Variants in SLCO4A1 observed in about 807,000 individuals in gnomAD.
SLCO4A1 encodes the protein colon organic anion transporter.
Under a neutral mutation model 64.6 loss-of-function variants are expected in SLCO4A1, and 51 were observed. The observed-to-expected ratio is 0.79, with a 90% CI of 0.63 to 1.00. The LOEUF is 1.00. Ranked by LOEUF, SLCO4A1 falls within the 50% of genes least tolerant of loss-of-function variation. SLCO4A1 has a pLI of 0.00. For synonymous variants in SLCO4A1, 471 were observed against 444.9 expected, an observed-to-expected ratio of 1.06 and a Z score of -0.74; for missense variants, 919 against 980.5, an observed-to-expected ratio of 0.94 and a Z score of 0.84.
downstream of SLCO4A1, among the ~76,000 whole-genome samples, chr20:62,687,947 C>T (rs919104108): frequency 2.0e-5 from 3 of 152,118 alleles, no homozygotes; most frequent in Non-Finnish European, 2.9e-5. Context: ...ACTAGTGCCG[C>T]GCTGCAGCCA....
intron 4 of SLCO4A1, 100 bp downstream of exon 4, chr20:62,660,633 A>G (rs1984606704): frequency 1.4e-6 from 2 of 1,383,206 alleles, no homozygotes; most frequent in Non-Finnish European, 2.0e-6. Flanking sequence ...TTTCCCCGCC[A>G]TGATCAAGTC....
intron 5 of SLCO4A1, among the ~76,000 whole-genome samples, chr20:62,664,536 TG>T (rs1985707783): frequency 6.6e-6 from 1 of 152,168 alleles, no homozygotes; most frequent in Non-Finnish European, 1.5e-5. Flanking sequence ...CTGGGTCACT[TG>T]GGGTCTCTCC....
intron 2 of SLCO4A1, among the ~76,000 whole-genome samples, chr20:62,683,555 T>C (rs1195090060): frequency 6.6e-6 from 1 of 152,182 alleles, no homozygotes; most frequent in African/African-American, 2.4e-5. Flanking sequence ...TACCACAGGG[T>C]CCCGTACAAT....
intron 1 of SLCO4A1, among the ~76,000 whole-genome samples, chr20:62,655,995 T>A (rs1983638923): frequency 6.6e-6 from 1 of 152,228 alleles, no homozygotes; most frequent in Non-Finnish European, 1.5e-5. Context: ...ACTCGGCCTC[T>A]GCGTCTCAGC....
rs987487927 is a variant in SLCO4A1 at position 62,645,428 on chromosome 20, C to T, written c.-97+2875C>T. Among the ~76,000 whole-genome samples the T allele has an allele frequency of 1.3e-5, 2 of 150,552 alleles. No individual in the cohort carries two copies. Among genetic ancestry groups the T allele is most frequent in the Non-Finnish European group, 3.0e-5 (2 of 67,464 alleles). On this transcript the variant is annotated intron_variant, in intron 1 of 11. Transcript: ENST00000217159. This position sits in a 1 kb window ranked among gnomAD's most constrained non-coding sequence, Gnocchi z 4.2. ...CTGCCTTCTCTGGCCCCTGCTGGCC[C>T]TTCAGGCTACGGTGAGGGTGAGGGT...
At chr20:62,662,703 GCCCCAGGGAGGGACTC>G (rs1458984252) in intron 5 of SLCO4A1, among the ~76,000 whole-genome samples, 1 of 152,108 alleles carries the variant, frequency 6.6e-6, no homozygotes, top group Non-Finnish European at 1.5e-5. Flanking sequence ...TCTGGGAAAA[GCCCCAGGGAGGGACTC>G]CCCCAGGGTG....
Position 62,661,041 on chromosome 20 carries a change from C to CCCCCCCCCCCCCCCCACCA in SLCO4A1, c.1010-23_1010-22insCCCCCCCCCCCCCCCACCA. 11 of 1,424,134 alleles carry CCCCCCCCCCCCCCCCACCA rather than the reference C, an allele frequency of 7.7e-6. No homozygotes were observed. The highest frequency in any genetic ancestry group is 1.1e-5 in the Non-Finnish European group (11 of 1,010,132). The allele number at this position is 1,424,134 out of a possible 1,614,324, so 88.2% of individuals were successfully genotyped here. On this transcript the variant is annotated intron_variant, in intron 4 of 11. Coordinates refer to ENST00000217159, the MANE Select transcript of SLCO4A1 (RefSeq NM_016354.4). The surrounding 1 kb of genome is among the most constrained non-coding windows in gnomAD (Gnocchi z 5.2). The stretch of plus-strand genomic sequence containing the variant: ...TCCGGGAGCCCCCAGCCCCCAGCCC[C>CCCCCCCCCCCCCCCCACCA]AGCTCACTCTGTGCCCTTCCAGGCT...
Position 62,656,748 on chromosome 20 carries a change from C to G in SLCO4A1, c.294C>G (p.Val98=), listed in dbSNP as rs375901110. 1 of 1,612,428 alleles carries G rather than the reference C, an allele frequency of 6.2e-7. No homozygotes were observed. Among genetic ancestry groups the G allele is most frequent in the East Asian group, 2.2e-5 (1 of 44,880 alleles). The change falls in exon 2 of 12, where the codon GTC becomes GTG. Residue 98 remains valine (V), a synonymous_variant. Transcript: ENST00000217159. ...CCTTCGCACCGCCGTGCCTGCAGGT[C>G]CTCAACACGCCCAAGGGCATCCTGT... ...WWAFAPPCLQ[V]LNTPKGILFF... is the part of the protein sequence containing the mutation.
intron 1 of SLCO4A1, chr20:62,642,939 G>T: frequency 2.2e-6 from 1 of 457,408 alleles, no homozygotes; most frequent in Non-Finnish European, 4.5e-6. Context: ...CGGAGCGCGC[G>T]CAGGCGCAGG....
chr20:62,668,374 G>A (rs778089951), intron 9 of SLCO4A1, 103 bp from the exon 10 acceptor site: 23 of 1,321,322 alleles, frequency 1.7e-5, no homozygotes, highest in Non-Finnish European at 2.3e-5. Context: ...GGGGGGGGGT[G>A]ATGATGTGGC....
chr20:62,687,025 G>GAAGGGCACCCCCAAACAGGAGCAATGGGA (rs1185472445), downstream of SLCO4A1, among the ~76,000 whole-genome samples: 1 of 143,628 alleles, frequency 7.0e-6, no homozygotes, highest in Non-Finnish European at 1.5e-5. Flanking sequence ...GGCACAATGG[G>GAAGGGCACCCCCAAACAGGAGCAATGGGA]AAGGGCACCC....
downstream of SLCO4A1, among the ~76,000 whole-genome samples, chr20:62,689,142 C>T (rs1308808529): frequency 6.6e-6 from 1 of 152,200 alleles, no homozygotes; most frequent in African/African-American, 2.4e-5. Flanking sequence ...CTGGCCTGCA[C>T]GTGGCCAGCT....
At chr20:62,654,927 C>G (rs1416960040) in intron 1 of SLCO4A1, among the ~76,000 whole-genome samples, 2 of 152,228 alleles carry the variant, frequency 1.3e-5, no homozygotes, top group South Asian at 2.1e-4. Flanking sequence ...GGAGCTACTT[C>G]CGGCCTCCCT....
chr20:62,689,863 G>A (rs1988175146), downstream of SLCO4A1, among the ~76,000 whole-genome samples: 1 of 152,228 alleles, frequency 6.6e-6, no homozygotes, highest in East Asian at 1.9e-4. Context: ...CCGAGGAAGG[G>A]GGTGGACCTG....
At chr20:62,669,152 C>A in intron 11 of SLCO4A1, 74 bp downstream of exon 11, 1 of 1,462,080 alleles carries the variant, frequency 6.8e-7, no homozygotes, top group Non-Finnish European at 9.4e-7. Context: ...CCGCGATCTT[C>A]CAGCAGCTTG....
intron 4 of SLCO4A1, 97 bp downstream of exon 4, chr20:62,660,630 G>C: frequency 7.1e-7 from 1 of 1,404,696 alleles, no homozygotes; most frequent in South Asian, 1.2e-5. Flanking sequence ...CTTTTTCCCC[G>C]CCATGATCAA....
rs765346995 is a variant in SLCO4A1 at position 62,666,394 on chromosome 20, C to A, written c.1291C>A (p.Pro431Thr). The stretch of plus-strand genomic sequence containing the variant: ...CCTCTCCCCAGGGTACCTGGTGGTG[C>A]CAGCGGGTGGTGGCGGCACCTTCCT... The part of the protein sequence containing the change: ...AATLFGYLVV[P>T]AGGGGTFLGG... Residue 431 changes from proline (P) to threonine (T), a missense_variant, in exon 7 of 12, where the codon CCA (proline) becomes ACA (threonine). Physicochemically the swap from Pro to Thr is conservative, Grantham distance 38 (BLOSUM62 -1). Coordinates refer to ENST00000217159, the MANE Select transcript of SLCO4A1 (RefSeq NM_016354.4). 1 of 1,612,796 alleles carries A rather than the reference C, an allele frequency of 6.2e-7. No homozygotes were observed. Among genetic ancestry groups the A allele is most frequent in the Non-Finnish European group, 8.5e-7 (1 of 1,179,832 alleles).
At chr20:62,658,392 G>A (rs1272484475) in intron 2 of SLCO4A1, among the ~76,000 whole-genome samples, 1 of 152,240 alleles carries the variant, frequency 6.6e-6, no homozygotes, top group African/African-American at 2.4e-5. Flanking sequence ...CCATCTGTGC[G>A]GCTACTTAGA....
chr20:62,665,178 AGG>A, intron 6 of SLCO4A1, 90 bp downstream of exon 6: 12 of 1,444,050 alleles, frequency 8.3e-6, no homozygotes, highest in Non-Finnish European at 1.1e-5. Context: ...AGACCCAGAC[AGG>A]GCACATGGCA....
Sources: allele counts gnomAD v4.1 joint callset (sites outside exome capture counted in the v4.1 genomes callset), GRCh38; gene constraint gnomAD v4.1.1; non-coding constraint Gnocchi (gnomAD v3.1); transcripts MANE v1.5; gene names NCBI Gene and HGNC (gene_info 2026-07-23, HGNC 2026-07-21).